FAT3: variants seen among roughly 807,000 people sequenced by gnomAD.
The protein encoded by FAT3 is FAT atypical cadherin 3, also known as protocadherin Fat 3.
Under a neutral mutation model 310.2 loss-of-function variants are expected in FAT3, and 95 were observed. The observed-to-expected ratio is 0.31, with a 90% confidence interval of 0.26 to 0.36. The LOEUF (loss-of-function observed/expected upper bound fraction) is 0.36, where lower values mean the gene tolerates loss of function less well. FAT3 is among the 10% of genes least tolerant of loss of function. FAT3 has a pLI of 1.00. For missense variants in FAT3, 5,408 were observed against 5,715.6 expected (o/e 0.95, Z 1.74); for synonymous variants, 2,314 against 2,192.9 (o/e 1.06, Z -1.54).
intron 3 of FAT3, among the ~76,000 whole-genome samples, chr11:92,565,816 G>A (rs1366689014): frequency 3.3e-5 from 5 of 152,172 alleles, no homozygotes; most frequent in Non-Finnish European, 5.9e-5. Flanking sequence ...TGCAGAAAAG[G>A]CCTTTGACAA....
At chr11:92,329,100 T>C (rs530950324) in intron 1 of FAT3, among the ~76,000 whole-genome samples, 1 of 152,102 alleles carries the variant, frequency 6.6e-6, no homozygotes, top group Admixed American at 6.5e-5. Context: ...CAGACTTTTT[T>C]TTTTTCAATA....
At chr11:92,508,028 G>A (rs796336188) in intron 2 of FAT3, among the ~76,000 whole-genome samples, 3 of 152,062 alleles carry the variant, frequency 2.0e-5, no homozygotes, top group Non-Finnish European at 2.9e-5. Context: ...TTTTCCCATC[G>A]TAGGCTTTTA....
At chr11:92,408,061 C>T (rs1382538454) in intron 2 of FAT3, 1 of 152,168 alleles carries the variant, frequency 6.6e-6, no homozygotes, top group Non-Finnish European at 1.5e-5. Flanking sequence ...ATTTTCTCAT[C>T]ATTCTAGAGG....
At chr11:92,812,417 C>T (rs1032098454) in intron 13 of FAT3, among the ~76,000 whole-genome samples, 5 of 151,886 alleles carry the variant, frequency 3.3e-5, no homozygotes, top group Non-Finnish European at 7.4e-5. Flanking sequence ...CCCATCTCTA[C>T]TAAAAATACA....
At chr11:92,550,888 A>T (rs950676412) in intron 3 of FAT3, among the ~76,000 whole-genome samples, 1 of 151,584 alleles carries the variant, frequency 6.6e-6, no homozygotes, top group African/African-American at 2.4e-5. Flanking sequence ...TAGCAAAAGG[A>T]GTGCCCTTCC....
At chr11:92,669,395 A>G (rs1943059437) in intron 3 of FAT3, among the ~76,000 whole-genome samples, 1 of 152,246 alleles carries the variant, frequency 6.6e-6, no homozygotes, top group African/African-American at 2.4e-5. Flanking sequence ...CTGCAAGCAC[A>G]TAGGGGAGTC....
intron 1 of FAT3, among the ~76,000 whole-genome samples, chr11:92,270,335 A>C (rs551825361): frequency 3.5e-4 from 53 of 151,984 alleles, no homozygotes; most frequent in African/African-American, 1.3e-3. Flanking sequence ...CCTTTTTGTC[A>C]ACATTGTTCT....
intron 2 of FAT3, among the ~76,000 whole-genome samples, chr11:92,433,887 G>T (rs1950860409): frequency 6.6e-6 from 1 of 151,902 alleles, no homozygotes; most frequent in Admixed American, 6.6e-5. Flanking sequence ...GTGGTAGTGG[G>T]CACCTGTAGT....
At chr11:92,552,363 A>AAC (rs1391347872) in intron 3 of FAT3, among the ~76,000 whole-genome samples, 1 of 152,224 alleles carries the variant, frequency 6.6e-6, no homozygotes. Flanking sequence ...TGCTCTTTGT[A>AAC]AAAGTCACAT....
At chr11:92,775,497 C>T (rs1010067332) in intron 7 of FAT3, among the ~76,000 whole-genome samples, 1 of 152,064 alleles carries the variant, frequency 6.6e-6, no homozygotes, top group African/African-American at 2.4e-5. Context: ...GCATATAATA[C>T]GGGAGCCAGT....
At chr11:92,473,600 T>G (rs1002465050) in intron 2 of FAT3, among the ~76,000 whole-genome samples, 6 of 152,316 alleles carry the variant, frequency 3.9e-5, no homozygotes. Flanking sequence ...TTAGGACATA[T>G]TCCTGTGTGA....
intron 3 of FAT3, among the ~76,000 whole-genome samples, chr11:92,676,528 G>T (rs1244879287): frequency 1.3e-5 from 2 of 152,140 alleles, no homozygotes; most frequent in Non-Finnish European, 2.9e-5. Flanking sequence ...GCCACACCTG[G>T]AAACCTCCTG....
chr11:92,256,814 T>G (rs1865335175), intron 1 of FAT3, among the ~76,000 whole-genome samples: 1 of 152,184 alleles, frequency 6.6e-6, no homozygotes, highest in Admixed American at 6.6e-5. Context: ...TGACTGAATT[T>G]GTCTGAGATT....
chr11:92,756,902 C>G (rs923612743), intron 4 of FAT3, among the ~76,000 whole-genome samples: 3 of 144,630 alleles, frequency 2.1e-5, no homozygotes, highest in Non-Finnish European at 4.5e-5. Context: ...GACCAATGAA[C>G]TATTTGTGGC....
chr11:92,627,137 G>A (rs1441519481), intron 3 of FAT3, among the ~76,000 whole-genome samples: 1 of 152,104 alleles, frequency 6.6e-6, no homozygotes, highest in Non-Finnish European at 1.5e-5. Context: ...CTAATACTTG[G>A]GGTCTTCTTT....
chr11:92,768,378 T>A (rs760153897), intron 6 of FAT3, among the ~76,000 whole-genome samples: 3 of 152,218 alleles, frequency 2.0e-5, no homozygotes, highest in Non-Finnish European at 4.4e-5. Flanking sequence ...AAATCTTTAT[T>A]TCAGCGCAGA....
intron 2 of FAT3, among the ~76,000 whole-genome samples, chr11:92,402,014 C>T (rs1950025148): frequency 6.6e-6 from 1 of 152,168 alleles, no homozygotes; most frequent in Non-Finnish European, 1.5e-5. Context: ...GAACCATACT[C>T]AGATATGACA....
At chr11:92,452,988 G>A (rs1023794314) in intron 2 of FAT3, among the ~76,000 whole-genome samples, 1 of 152,006 alleles carries the variant, frequency 6.6e-6, no homozygotes, top group Non-Finnish European at 1.5e-5. Context: ...TGCCCAGGCT[G>A]ATCTTGAACT....
chr11:92,622,293 T>A (rs1289384094), intron 3 of FAT3, among the ~76,000 whole-genome samples: 14 of 142,358 alleles, frequency 9.8e-5, no homozygotes, highest in African/African-American at 3.5e-4. Context: ...AAAAAAAAAA[T>A]GGTGGAACAT....
Sources: allele counts gnomAD v4.1 joint callset (sites outside exome capture counted in the v4.1 genomes callset), GRCh38; gene constraint gnomAD v4.1.1; transcripts MANE v1.5; gene names NCBI Gene and HGNC (gene_info 2026-07-23, HGNC 2026-07-21).